PDS5A: variants seen among roughly 807,000 people sequenced by gnomAD.
PDS5A encodes sister chromatid cohesion protein PDS5 homolog A.
A neutral mutation model predicts 167.1 loss-of-function variants in PDS5A; 42 were observed. That is an observed-to-expected ratio of 0.25 (90% CI 0.20 to 0.33). PDS5A has a LOEUF of 0.33. Among genes scored for constraint, PDS5A ranks in the 10% least tolerant of loss-of-function variants. PDS5A has a pLI of 1.00. For synonymous variants in PDS5A, 553 were observed against 554.6 expected (o/e 1.00, Z 0.04); for missense variants, 1,033 against 1,605.9 (o/e 0.64, Z 6.10).
intron 2 of PDS5A, among the ~76,000 whole-genome samples, chr4:39,929,606 CGTGT>C (rs58333282): frequency 0.13 from 16,572 of 130,632 alleles, 1,151 homozygotes; most frequent in Middle Eastern, 0.22. Flanking sequence ...CCTATTGGGG[CGTGT>C]GTGTGTGTGT....
intron 2 of PDS5A, among the ~76,000 whole-genome samples, chr4:39,929,741 T>G (rs1341070184): frequency 6.7e-6 from 1 of 149,684 alleles, no homozygotes; most frequent in Non-Finnish European, 1.5e-5. Context: ...GAGTGTAAAA[T>G]TTTATTATTA....
intron 32 of PDS5A, chr4:39,837,168 G>GT (rs1301110009): frequency 6.6e-6 from 1 of 152,070 alleles, no homozygotes; most frequent in African/African-American, 2.4e-5. Flanking sequence ...AAGCAGGATA[G>GT]TGGGGGTATC....
At chr4:39,950,756 T>G (rs1437572012) in intron 2 of PDS5A, among the ~76,000 whole-genome samples, 2 of 151,820 alleles carry the variant, frequency 1.3e-5, no homozygotes, top group Non-Finnish European at 2.9e-5. Flanking sequence ...CCAGGCTAAC[T>G]TTTGTATTTT....
rs1346928018 is a variant in PDS5A, at chr4:39,929,519, C to CTCTATATATATATA, written c.139-1356_139-1355insTATATATATATAGA. ...GCCTTGTGAGTTAATACTTAATAAA[C>CTCTATATATATATA]TATATATATATATATATATATATAT... On this transcript the variant is annotated intron_variant, in intron 2 of 32. Transcript: ENST00000303538. Among the ~76,000 whole-genome samples, 74 of 79,402 alleles carry CTCTATATATATATA rather than the reference C, an allele frequency of 9.3e-4. 3 individuals are homozygous for CTCTATATATATATA. Among genetic ancestry groups the CTCTATATATATATA allele is most frequent in the African/African-American group, 3.1e-3 (36 of 11,430 alleles). 52.1% of individuals were successfully genotyped at this position (79,402 alleles called of 152,430 possible). A position where few individuals can be genotyped will look rare whatever the true frequency, so the allele number is the denominator to read the frequency against.
At chr4:39,950,616 G>C (rs1185827030) in intron 2 of PDS5A, among the ~76,000 whole-genome samples, 1 of 152,050 alleles carries the variant, frequency 6.6e-6, no homozygotes, top group African/African-American at 2.4e-5. Context: ...ATGGAGTCTT[G>C]CTCTGTCGCC....
chr4:39,925,945 AAAAAT>A lies in PDS5A; in HGVS notation c.430-17_430-13del, dbSNP rs1322349223. ...ACCCAAGCTAAATTCTTAAATAAAT[AAAAAT>A]AATTATTGAATTATACATATATACA... On this transcript the variant is annotated splice_polypyrimidine_tract_variant and intron_variant, in intron 4 of 32. Coordinates refer to ENST00000303538, the MANE Select transcript of PDS5A (RefSeq NM_001100399.2). The A allele has an allele frequency of 1.0e-6, 1 of 991,834 alleles. No homozygotes were observed. Among genetic ancestry groups the A allele is most frequent in the Non-Finnish European group, 1.4e-6 (1 of 694,274 alleles). 61.4% of individuals were successfully genotyped at this position (991,834 alleles called of 1,614,324 possible).
chr4:39,953,715 G>A (rs1410923778), intron 2 of PDS5A, among the ~76,000 whole-genome samples: 2 of 152,112 alleles, frequency 1.3e-5, no homozygotes. Context: ...AGGCCACAGA[G>A]CGAGAACCTG....
In PDS5A at chr4:39,877,055, A is replaced by T. The variant is rs759763313; in HGVS notation, c.2091T>A (p.Ala697=). 2 of 1,611,232 alleles carry T rather than the reference A, an allele frequency of 1.2e-6. No homozygotes were observed. The highest frequency in any genetic ancestry group is 1.7e-5 in the Admixed American group (1 of 59,984). Residue 697 remains alanine (A), a synonymous_variant, in exon 19 of 33, where the codon GCT becomes GCA. Transcript: ENST00000303538. ...CTGTATTTCTAAAAATTTGAATAGC[A>T]GCTTCTGCTACCTTGTCATCCTCCA... The part of the protein sequence containing the change: ...LRMEDDKVAE[A]AIQIFRNTGH...
At chr4:39,929,972 T>C (rs1725859816) in intron 2 of PDS5A, among the ~76,000 whole-genome samples, 1 of 150,118 alleles carries the variant, frequency 6.7e-6, no homozygotes, top group Non-Finnish European at 1.5e-5. Flanking sequence ...TCCCAGCACT[T>C]TGGGAGGCCG....
At chr4:39,832,586 TA>T (rs1716005768) in intron 32 of PDS5A, among the ~76,000 whole-genome samples, 1 of 151,832 alleles carries the variant, frequency 6.6e-6, no homozygotes, top group Non-Finnish European at 1.5e-5. Context: ...GCACTGAAAA[TA>T]TTTGAGAAGT....
chr4:39,891,424 G>A lies in PDS5A; in HGVS notation c.1771-1060C>T, dbSNP rs1343400463. Among the ~76,000 whole-genome samples, 9 of 151,442 alleles carry A rather than the reference G, an allele frequency of 5.9e-5. No homozygotes were observed. In the East Asian group the frequency reaches 1.6e-3, roughly 27 times the overall value. Reference sequence around the variant, plus strand: ...AGCACTTTGGGAGGCTGAGGCGGGCGGATCACCTGAGGTCAGGAGTTCGAG... The same window carrying A: ...AGCACTTTGGGAGGCTGAGGCGGGCAGATCACCTGAGGTCAGGAGTTCGAG... On this transcript the variant is annotated intron_variant, in intron 16 of 32. Coordinates refer to ENST00000303538, the MANE Select transcript of PDS5A (RefSeq NM_001100399.2).
intron 2 of PDS5A, among the ~76,000 whole-genome samples, chr4:39,975,831 C>G (rs1731034558): frequency 6.6e-6 from 1 of 152,140 alleles, no homozygotes; most frequent in Admixed American, 6.6e-5. Context: ...AACTAACAAA[C>G]ATGAGGTTGA....
chr4:39,826,596 C>G (rs1715349079), intron 32 of PDS5A, among the ~76,000 whole-genome samples: 1 of 151,962 alleles, frequency 6.6e-6, no homozygotes, highest in African/African-American at 2.4e-5. Flanking sequence ...AGCGATACTC[C>G]TGTCTCAGCC....
In PDS5A at chr4:39,976,484, T is replaced by C. The variant is rs775504519; in HGVS notation, c.94A>G (p.Ile32Val). Residue 32 changes from isoleucine to valine, a missense_variant, in exon 2 of 33, where the codon ATC (isoleucine) becomes GTC (valine). Physicochemically the swap from Ile to Val is conservative, Grantham distance 29 (BLOSUM62 3). This residue lies in a region of PDS5A where 388 missense variants were observed against 615.1 expected (regional missense o/e 0.63). Coordinates refer to ENST00000303538, the MANE Select transcript of PDS5A (RefSeq NM_001100399.2). Reference sequence around the variant, plus strand: ...TCGTCCGTGGTGATCTTGTCGGTGATCTCTTTTACCCCCGGAGGGTAAGCG... The same window carrying C: ...TCGTCCGTGGTGATCTTGTCGGTGACCTCTTTTACCCCCGGAGGGTAAGCG... ...KIAYPPGVKEITDKITTDEMI... is the reference protein window; with the variant it reads ...KIAYPPGVKEVTDKITTDEMI... 6.2e-7 allele frequency: 1 copy of C among 1,613,490 alleles called. No homozygotes were observed. Among genetic ancestry groups the C allele is most frequent in the Non-Finnish European group, 8.5e-7 (1 of 1,179,560 alleles).
chr4:39,918,544 T>C (rs1724622622), intron 7 of PDS5A, among the ~76,000 whole-genome samples: 2 of 152,134 alleles, frequency 1.3e-5, no homozygotes, highest in African/African-American at 2.4e-5. Context: ...AAAAGCAGCA[T>C]GAATTAAGTT....
intron 1 of PDS5A, among the ~76,000 whole-genome samples, 151 bp from the exon 2 acceptor site, chr4:39,976,768 G>A (rs1394366800): frequency 6.6e-6 from 1 of 152,202 alleles, no homozygotes; most frequent in East Asian, 1.9e-4. Context: ...CCCAGGGATC[G>A]AACCCCGCCG....
chr4:39,896,251 G>T (rs1015149228), intron 16 of PDS5A, among the ~76,000 whole-genome samples: 2 of 148,500 alleles, frequency 1.3e-5, no homozygotes, highest in Non-Finnish European at 3.0e-5. Flanking sequence ...TTGATATATT[G>T]CCCAGGTTGG....
At chr4:39,869,317 T>G in intron 22 of PDS5A, 77 bp downstream of exon 22, 10 of 896,628 alleles carry the variant, frequency 1.1e-5, no homozygotes, top group Non-Finnish European at 1.9e-6. Flanking sequence ...TTTATTAAAT[T>G]TTTTAAAGGT....
In PDS5A at chr4:39,848,908, A is replaced by G; in HGVS notation, c.3282T>C (p.Asn1094=). The G allele has an allele frequency of 6.2e-7, 1 of 1,605,922 alleles. No individual in the cohort carries two copies. Among genetic ancestry groups the G allele is most frequent in the South Asian group, 1.1e-5 (1 of 89,964 alleles). Residue 1094 remains asparagine, a synonymous_variant, in exon 28 of 33, where the codon AAT becomes AAC. Coordinates refer to ENST00000303538, the MANE Select transcript of PDS5A (RefSeq NM_001100399.2). ...GGACTGGGTCCTTTGGTGAATCTGC[A>G]TTGCACAAAGCACTTTTACTATTTA... ...CVINSKSALC[N]ADSPKDPVLP... is the part of the protein sequence containing the mutation.
Sources: gnomAD v4.1 joint callset for allele counts (sites outside exome capture counted in the v4.1 genomes callset) on GRCh38, gnomAD v4.1.1 for gene constraint, gnomAD v4.1.1 regional missense constraint, MANE v1.5 for transcripts, NCBI Gene and HGNC (gene_info 2026-07-23, HGNC 2026-07-21) for gene names.